Variants in ATAD5 observed in about 807,000 individuals in gnomAD.
The protein encoded by ATAD5 is ATPase family AAA domain-containing protein 5.
In ATAD5, 58 loss-of-function variants were observed where a neutral mutation model predicts 176.9. The ratio of observed to expected loss-of-function variants is 0.33; its 90% CI spans 0.27 to 0.41. The LOEUF (loss-of-function observed/expected upper bound fraction) is 0.41, where lower values mean the gene tolerates loss of function less well. ATAD5 is among the 10% of genes least tolerant of loss of function. The pLI, the probability that ATAD5 is intolerant of heterozygous loss-of-function variation, is 1.00. For synonymous variants in ATAD5, 640 were observed against 712.6 expected (o/e 0.90, Z 1.62); for missense variants, 1,789 against 2,094.1 (o/e 0.85, Z 2.84).
At chr17:30,868,515 T>C in intron 12 of ATAD5, 103 bp downstream of exon 12, 1 of 837,750 alleles carries the variant, frequency 1.2e-6, no homozygotes, top group South Asian at 3.1e-5. Flanking sequence ...TTTAATTTTT[T>C]TTTTTTTTTG....
intron 15 of ATAD5, 43 bp downstream of exon 15, chr17:30,876,593 T>C: frequency 7.7e-7 from 1 of 1,301,908 alleles, no homozygotes. Flanking sequence ...TTAATAATAA[T>C]GACCCTTATA....
At chr17:30,871,952 C>T (rs1908362673) in intron 14 of ATAD5, among the ~76,000 whole-genome samples, 1 of 152,076 alleles carries the variant, frequency 6.6e-6, no homozygotes, top group Non-Finnish European at 1.5e-5. Context: ...GAGACAGTCT[C>T]AATCTGTTGC....
In ATAD5 at chr17:30,837,229, C is replaced by A; in HGVS notation, c.1991C>A (p.Thr664Asn). 6.4e-7 allele frequency: 1 copy of A among 1,558,478 alleles called. No homozygotes were observed. The highest frequency in any genetic ancestry group is 8.7e-7 in the Non-Finnish European group (1 of 1,152,400). ...PIRMKFTRIS[T>N]PKKSKKKSNK... ...AGAATGAAATTCACCAGAATTAGTACTCCCAAAAAATCTAAGAAAAAATCT... is the reference window on the plus strand; with the variant it reads ...AGAATGAAATTCACCAGAATTAGTAATCCCAAAAAATCTAAGAAAAAATCT... Residue 664 changes from threonine to asparagine, a missense_variant, in exon 3 of 23, where the codon ACT (threonine) becomes AAT (asparagine). Around this residue, in one of 6 missense-constraint regions of ATAD5, gnomAD observed 487 missense variants for 573.6 expected, o/e 0.85. Coordinates refer to ENST00000321990, the MANE Select transcript of ATAD5 (RefSeq NM_024857.5).
At chr17:30,885,623 C>CTTTTTTTTTTTTTTTTTTTT (rs778733612) in intron 18 of ATAD5, among the ~76,000 whole-genome samples, 2 of 93,810 alleles carry the variant, frequency 2.1e-5, no homozygotes, top group African/African-American at 4.0e-5. Flanking sequence ...TTCCAACTTT[C>CTTTTTTTTTTTTTTTTTTTT]TTTTTTTTTT....
chr17:30,869,292 G>A lies in ATAD5; in HGVS notation c.3358G>A (p.Glu1120Lys). The change falls in exon 13 of 23, where the codon GAA (glutamate) becomes AAA (lysine). Residue 1120 changes from glutamate to lysine, a missense_variant. Physicochemically the swap from Glu to Lys is moderately conservative, Grantham distance 56. Transcript: ENST00000321990. The part of the protein sequence containing the change: ...IDFKGSSDDE[E>K]ESRLCNTVLI... ...CTTTAAAGGCAGTTCAGATGATGAAGAAGAGAGTCGTCTTTGCAATACTGT... is the reference window on the plus strand; with the variant it reads ...CTTTAAAGGCAGTTCAGATGATGAAAAAGAGAGTCGTCTTTGCAATACTGT... 1 of 1,613,878 alleles carries A rather than the reference G, an allele frequency of 6.2e-7. No homozygotes were observed. Among genetic ancestry groups the A allele is most frequent in the Non-Finnish European group, 8.5e-7 (1 of 1,179,944 alleles).
chr17:30,851,217 C>G (rs1015161889), intron 6 of ATAD5, among the ~76,000 whole-genome samples: 1 of 148,736 alleles, frequency 6.7e-6, no homozygotes, highest in African/African-American at 2.5e-5. Flanking sequence ...AAATTCTGAG[C>G]TGGGTGCGGT....
chr17:30,846,543 C>T (rs1274446463), intron 6 of ATAD5, among the ~76,000 whole-genome samples: 2 of 151,906 alleles, frequency 1.3e-5, no homozygotes, highest in Middle Eastern at 3.4e-3. Flanking sequence ...GCTGGGACTA[C>T]AGGCACGCAC....
chr17:30,885,182 A>G (rs886958511), intron 18 of ATAD5, among the ~76,000 whole-genome samples: 1 of 151,780 alleles, frequency 6.6e-6, no homozygotes, highest in East Asian at 1.9e-4. Flanking sequence ...CTTTTTTTCT[A>G]TTTTTTAAAT....
Position 30,833,858 on chromosome 17 carries a change from T to A in ATAD5, c.67-290T>A, listed in dbSNP as rs369330452. 5.9e-5 allele frequency among the ~76,000 whole-genome samples: 9 copies of A among 152,250 alleles called. 1 individual carries two copies. Among genetic ancestry groups the A allele is most frequent in the African/African-American group, 1.9e-4 (8 of 41,532 alleles). Reference sequence around the variant, plus strand: ...ACTATGCTCAGCTAATTTTTTGTATTTTTAGTAGAGACAGGGTTTCACCAC... The same window carrying A: ...ACTATGCTCAGCTAATTTTTTGTATATTTAGTAGAGACAGGGTTTCACCAC... On this transcript the variant is annotated intron_variant, in intron 1 of 22. Transcript: ENST00000321990.
chr17:30,865,825 A>C (rs1907945881), intron 11 of ATAD5, 25 bp downstream of exon 11: 1 of 1,390,520 alleles, frequency 7.2e-7, no homozygotes, highest in African/African-American at 1.5e-5. Flanking sequence ...TAAGGAATTG[A>C]GAAATAGTTT....
rs534608180 is a variant in ATAD5 at position 30,892,356 on chromosome 17, T to C, written c.4259-251T>C. On this transcript the variant is annotated intron_variant, in intron 19 of 22. Transcript: ENST00000321990. Reference sequence around the variant, plus strand: ...AGGAAAATCGCTTGAACCCAGGAGGTGGAGGTTTCAGTGAGCTGAAATTGC... The same window carrying C: ...AGGAAAATCGCTTGAACCCAGGAGGCGGAGGTTTCAGTGAGCTGAAATTGC... 2.7e-5 allele frequency among the ~76,000 whole-genome samples: 4 copies of C among 145,508 alleles called. No individual in the cohort carries two copies. The South Asian group carries it at 8.6e-4, about 31-fold the overall frequency.
At chr17:30,888,782 C>T (rs1176642084) in intron 19 of ATAD5, among the ~76,000 whole-genome samples, 1 of 151,898 alleles carries the variant, frequency 6.6e-6, no homozygotes, top group Non-Finnish European at 1.5e-5. Flanking sequence ...AAAAAACACA[C>T]ACAGGCTGGG....
At chr17:30,856,777 A>G (rs1291475929) in intron 7 of ATAD5, among the ~76,000 whole-genome samples, 178 bp from the exon 8 acceptor site, 1 of 151,526 alleles carries the variant, frequency 6.6e-6, no homozygotes, top group African/African-American at 2.4e-5. Flanking sequence ...AGTCTAGGTG[A>G]TTTTTATTAA....
At chr17:30,878,726 T>TTTTTG (rs1908825270) in intron 17 of ATAD5, among the ~76,000 whole-genome samples, 3 of 89,054 alleles carry the variant, frequency 3.4e-5, no homozygotes, top group African/African-American at 9.6e-5. Context: ...GTGTTTTTTT[T>TTTTTG]TTTTTTTTTT....
At chr17:30,874,041 T>C (rs1908502015) in intron 14 of ATAD5, among the ~76,000 whole-genome samples, 2 of 152,004 alleles carry the variant, frequency 1.3e-5, no homozygotes, top group South Asian at 4.2e-4. Context: ...GGTGCACACC[T>C]GTAATCCCAG....
At chr17:30,858,094 G>A in intron 8 of ATAD5, 67 bp from the exon 9 acceptor site, 2 of 1,309,972 alleles carry the variant, frequency 1.5e-6, no homozygotes, top group East Asian at 2.7e-5. Context: ...AAAGTGGTTG[G>A]TAGTATTGTA....
intron 6 of ATAD5, 93 bp downstream of exon 6, chr17:30,845,009 C>T: frequency 8.9e-7 from 1 of 1,129,360 alleles, no homozygotes; most frequent in East Asian, 2.8e-5. Flanking sequence ...TGTGAATTAT[C>T]ATTTGAAGCT....
intron 10 of ATAD5, chr17:30,864,329 TAAAAA>T (rs1318583006): frequency 6.6e-6 from 1 of 151,800 alleles, no homozygotes; most frequent in African/African-American, 2.4e-5. Flanking sequence ...CCTCATCTCT[TAAAAA>T]AAGAAAAAAA....
At chr17:30,861,433 C>A (rs1213758063) in intron 10 of ATAD5, among the ~76,000 whole-genome samples, 1 of 151,704 alleles carries the variant, frequency 6.6e-6, no homozygotes, top group Non-Finnish European at 1.5e-5. Flanking sequence ...ATAAATAGAA[C>A]CTCACGGATT....
Sources: gnomAD v4.1 joint callset for allele counts (sites outside exome capture counted in the v4.1 genomes callset) on GRCh38, gnomAD v4.1.1 for gene constraint, gnomAD v4.1.1 regional missense constraint, MANE v1.5 for transcripts, NCBI Gene and HGNC (gene_info 2026-07-23, HGNC 2026-07-21) for gene names.